Variants in FOXN3 observed in about 807,000 individuals in gnomAD.
The protein encoded by FOXN3 is forkhead box N3, also known as forkhead box protein N3.
FOXN3 carries 7 observed loss-of-function variants against 38.4 expected under a neutral mutation model. The ratio of observed to expected loss-of-function variants is 0.18; its 90% CI spans 0.10 to 0.34. FOXN3 has a LOEUF of 0.34. Among genes scored for constraint, FOXN3 ranks in the 10% least tolerant of loss-of-function variants. FOXN3 has a pLI of 1.00. For missense variants in FOXN3, 456 were observed against 613.4 expected (o/e 0.74, Z 2.71); for synonymous variants, 230 against 242.2 (o/e 0.95, Z 0.47).
At chr14:89,346,371 T>C (rs1888758969) in intron 3 of FOXN3, among the ~76,000 whole-genome samples, 2 of 152,234 alleles carry the variant, frequency 1.3e-5, no homozygotes, top group South Asian at 4.1e-4. Flanking sequence ...TTGCTCATCA[T>C]GTCTTCTTAG....
chr14:89,513,516 A>G (rs1894139234), intron 1 of FOXN3, among the ~76,000 whole-genome samples: 1 of 152,146 alleles, frequency 6.6e-6, no homozygotes, highest in South Asian at 2.1e-4. Flanking sequence ...CTGGGATTAC[A>G]GACATGAGAT....
chr14:89,388,222 T>G (rs1190162113), intron 2 of FOXN3, among the ~76,000 whole-genome samples: 1 of 152,034 alleles, frequency 6.6e-6, no homozygotes, highest in African/African-American at 2.4e-5. Context: ...ACACACTCCA[T>G]GGGGCCTGGA....
chr14:89,555,838 G>GTGT (rs1895103946), intron 1 of FOXN3, among the ~76,000 whole-genome samples: 2 of 89,620 alleles, frequency 2.2e-5, no homozygotes, highest in Non-Finnish European at 5.5e-5. Flanking sequence ...TCTAGTTCAT[G>GTGT]GTGTGTGTGT....
chr14:89,169,201 G>A (rs1887322068), intron 5 of FOXN3, among the ~76,000 whole-genome samples: 1 of 152,172 alleles, frequency 6.6e-6, no homozygotes, highest in East Asian at 1.9e-4. Flanking sequence ...AGCACTTTGG[G>A]AGGCTGAGGG....
Position 89,591,374 on chromosome 14 carries a change from T to G in FOXN3, c.-15+27654A>C, listed in dbSNP as rs149169901. ...TGCCAGCACCCAGGTTTACATCCCC[T>G]ACACAGGAGATTAGGAGATTCTTCT... On this transcript the variant is annotated intron_variant, in intron 1 of 6. Coordinates refer to the FOXN3 transcript ENST00000345097. 9.9e-5 allele frequency among the ~76,000 whole-genome samples: 15 copies of G among 152,240 alleles called. No individual in the cohort carries two copies. In the East Asian group the frequency reaches 2.9e-3, roughly 29 times the overall value.
intron 1 of FOXN3, among the ~76,000 whole-genome samples, chr14:89,615,116 A>ATTTTTTTTTTTT (rs374606775): frequency 6.6e-5 from 7 of 106,776 alleles, no homozygotes; most frequent in Non-Finnish European, 7.1e-5. Context: ...CCCAATTTCG[A>ATTTTTTTTTTTT]TTTTTTTTTT....
intron 1 of FOXN3, among the ~76,000 whole-genome samples, chr14:89,463,162 G>A (rs1198456313): frequency 2.6e-5 from 4 of 151,446 alleles, no homozygotes; most frequent in South Asian, 2.1e-4. Flanking sequence ...GGTGGCAGGC[G>A]CCTGTAGTCC....
chr14:89,497,388 A>G (rs1215128503), intron 1 of FOXN3, among the ~76,000 whole-genome samples: 1 of 150,424 alleles, frequency 6.6e-6, no homozygotes, highest in East Asian at 2.0e-4. Flanking sequence ...TGCTATGAAC[A>G]TGAATGTATA....
intron 1 of FOXN3, among the ~76,000 whole-genome samples, chr14:89,570,874 C>T (rs1895475859): frequency 6.6e-6 from 1 of 152,028 alleles, no homozygotes. Flanking sequence ...GTAGCGATGC[C>T]CCATGTAGGA....
intron 4 of FOXN3, among the ~76,000 whole-genome samples, chr14:89,267,088 A>G (rs1886005597): frequency 6.6e-6 from 1 of 152,206 alleles, no homozygotes. Flanking sequence ...TCTTCCCTAC[A>G]GGAAAAAAGA....
intron 2 of FOXN3, among the ~76,000 whole-genome samples, chr14:89,374,166 AG>A (rs1039851690): frequency 7.9e-5 from 11 of 139,768 alleles, no homozygotes; most frequent in African/African-American, 2.9e-4. Flanking sequence ...TAGGAGGCTG[AG>A]GTGGGAGGAT....
At chr14:89,378,955 C>A (rs1026546767) in intron 2 of FOXN3, among the ~76,000 whole-genome samples, 1 of 152,192 alleles carries the variant, frequency 6.6e-6, no homozygotes, top group African/African-American at 2.4e-5. Context: ...GATCCACCTG[C>A]CTTGGCCTCC....
At chr14:89,344,880 C>T (rs1888718105) in intron 3 of FOXN3, among the ~76,000 whole-genome samples, 1 of 152,188 alleles carries the variant, frequency 6.6e-6, no homozygotes, top group South Asian at 2.1e-4. Context: ...AATGACGTAT[C>T]TAGGAAGGAG....
At chr14:89,335,959 A>G (rs1368645154) in intron 3 of FOXN3, among the ~76,000 whole-genome samples, 1 of 152,220 alleles carries the variant, frequency 6.6e-6, no homozygotes, top group African/African-American at 2.4e-5. Flanking sequence ...GGAACAAAAC[A>G]AGAGGAAACC....
intron 1 of FOXN3, among the ~76,000 whole-genome samples, chr14:89,517,984 A>G (rs879749327): frequency 6.6e-6 from 1 of 152,222 alleles, no homozygotes; most frequent in Non-Finnish European, 1.5e-5. Flanking sequence ...GAGCCAAAAC[A>G]AGCAAATCTT....
At chr14:89,544,058 G>A (rs1224524453) in intron 1 of FOXN3, among the ~76,000 whole-genome samples, 1 of 151,960 alleles carries the variant, frequency 6.6e-6, no homozygotes, top group Non-Finnish European at 1.5e-5. Flanking sequence ...TATACAGTCT[G>A]GTACTATTTT....
intron 1 of FOXN3, among the ~76,000 whole-genome samples, chr14:89,427,303 T>A (rs1406020715): frequency 1.0e-5 from 1 of 96,382 alleles, no homozygotes; most frequent in African/African-American, 4.2e-5. Context: ...AAAGGGGACT[T>A]TTTTTTTTTT....
At chr14:89,526,786 C>CA (rs1894440953) in intron 1 of FOXN3, among the ~76,000 whole-genome samples, 1 of 151,774 alleles carries the variant, frequency 6.6e-6, no homozygotes, top group African/African-American at 2.4e-5. Context: ...CCCAGAATGG[C>CA]AAAAACAACT....
intron 1 of FOXN3, among the ~76,000 whole-genome samples, chr14:89,434,188 G>A (rs1337653869): frequency 6.7e-6 from 1 of 149,214 alleles, no homozygotes; most frequent in Non-Finnish European, 1.5e-5. Context: ...GTCCCAAAGT[G>A]CTGGGATTAC....
Sources: gnomAD v4.1 joint callset for allele counts (sites outside exome capture counted in the v4.1 genomes callset) on GRCh38, gnomAD v4.1.1 for gene constraint, MANE v1.5 for transcripts, NCBI Gene and HGNC (gene_info 2026-07-23, HGNC 2026-07-21) for gene names.